Variants in NKAIN3 observed in about 807,000 individuals in gnomAD.
NKAIN3 encodes the protein sodium/potassium transporting ATPase interacting 3.
A neutral mutation model predicts 30.2 loss-of-function variants in NKAIN3; 25 were observed. The ratio of observed to expected loss-of-function variants is 0.83; its 90% CI spans 0.60 to 1.16. The LOEUF (loss-of-function observed/expected upper bound fraction) is 1.16, where lower values mean the gene tolerates loss of function less well. Ranked by LOEUF, NKAIN3 falls within the 50% of genes most tolerant of loss-of-function variation. The probability of loss-of-function intolerance (pLI) is 0.00; values close to 1 mark genes in which losing one functional copy is unlikely to be tolerated. For missense variants in NKAIN3, 225 were observed against 254.1 expected, an observed-to-expected ratio of 0.89 and a Z score of 0.78; for synonymous variants, 91 against 89.6, an observed-to-expected ratio of 1.02 and a Z score of -0.09.
At chr8:62,634,901 AAGG>A (rs1167663338) in intron 3 of NKAIN3, among the ~76,000 whole-genome samples, 3 of 152,228 alleles carry the variant, frequency 2.0e-5, no homozygotes, top group Admixed American at 6.5e-5. Flanking sequence ...AAGTAGAAAG[AAGG>A]AGGAGAAAAA....
chr8:62,604,329 T>C (rs535141635), intron 3 of NKAIN3, among the ~76,000 whole-genome samples: 63 of 152,256 alleles, frequency 4.1e-4, no homozygotes, highest in Admixed American at 1.4e-3. Flanking sequence ...GATTCACTTT[T>C]GCCTGCTTTC....
intron 1 of NKAIN3, among the ~76,000 whole-genome samples, chr8:62,382,096 A>G (rs1585744342): frequency 6.6e-6 from 1 of 152,044 alleles, no homozygotes; most frequent in Non-Finnish European, 1.5e-5. Flanking sequence ...TCCAAGTATA[A>G]ATTTTGACTC....
chr8:62,886,406 A>G (rs1359309709), intron 4 of NKAIN3, among the ~76,000 whole-genome samples: 1 of 152,078 alleles, frequency 6.6e-6, no homozygotes, highest in East Asian at 1.9e-4. Flanking sequence ...TAGATCAGTT[A>G]AGAATAAGCA....
intron 1 of NKAIN3, among the ~76,000 whole-genome samples, chr8:62,512,921 A>G (rs572441777): frequency 1.3e-5 from 2 of 152,248 alleles, no homozygotes; most frequent in African/African-American, 4.8e-5. Context: ...CCTCCCAACA[A>G]GTATTTAGAA....
chr8:62,750,159 G>T (rs547295758), intron 4 of NKAIN3, among the ~76,000 whole-genome samples: 2 of 152,096 alleles, frequency 1.3e-5, no homozygotes, highest in African/African-American at 4.8e-5. Flanking sequence ...GCAGGGGCTC[G>T]GCGGCTCTGC....
At chr8:62,513,179 G>A (rs1343444048) in intron 1 of NKAIN3, among the ~76,000 whole-genome samples, 1 of 151,912 alleles carries the variant, frequency 6.6e-6, no homozygotes, top group Non-Finnish European at 1.5e-5. Flanking sequence ...CTAGAAGACA[G>A]CAGAGTTCTG....
intron 6 of NKAIN3, among the ~76,000 whole-genome samples, chr8:62,957,141 T>C (rs1048579823): frequency 1.1e-4 from 2 of 18,988 alleles, no homozygotes; most frequent in South Asian, 4.3e-3. Flanking sequence ...ATAGCAGCCT[T>C]TTTTTTTTTT....
chr8:62,988,099 G>A (rs532524430), downstream of NKAIN3, among the ~76,000 whole-genome samples: 6 of 152,280 alleles, frequency 3.9e-5, no homozygotes, highest in East Asian at 7.7e-4. Flanking sequence ...CATGTCTCAC[G>A]TCCAGGTCAC....
chr8:62,931,999 G>A (rs2130872420), intron 5 of NKAIN3, among the ~76,000 whole-genome samples: 1 of 152,142 alleles, frequency 6.6e-6, no homozygotes, highest in South Asian at 2.1e-4. Flanking sequence ...TTCTTGTTCT[G>A]AGGTCACTAA....
At chr8:62,307,900 C>T (rs13255400) in intron 1 of NKAIN3, among the ~76,000 whole-genome samples, 34,554 of 150,038 alleles carry the variant, frequency 0.23, 4,910 homozygotes, top group Non-Finnish European at 0.28. Context: ...TTAAGCTAGG[C>T]GACTGAAGCC....
At chr8:62,765,820 A>G (rs1439874117) in intron 4 of NKAIN3, among the ~76,000 whole-genome samples, 1 of 152,120 alleles carries the variant, frequency 6.6e-6, no homozygotes, top group East Asian at 1.9e-4. Flanking sequence ...TTTTTCATCT[A>G]TTAAACTCAG....
chr8:62,790,408 G>C (rs960171798), intron 4 of NKAIN3, among the ~76,000 whole-genome samples: 4 of 152,080 alleles, frequency 2.6e-5, no homozygotes, highest in African/African-American at 9.7e-5. Flanking sequence ...GCACAAGACA[G>C]GGATGCCCTC....
At chr8:62,772,835 A>G (rs1395771563) in intron 4 of NKAIN3, among the ~76,000 whole-genome samples, 1 of 151,848 alleles carries the variant, frequency 6.6e-6, no homozygotes, top group East Asian at 1.9e-4. Flanking sequence ...TAATTTTTGT[A>G]TTTTTAGTAG....
At chr8:62,643,414 C>A (rs888210142) in intron 3 of NKAIN3, among the ~76,000 whole-genome samples, 4 of 152,038 alleles carry the variant, frequency 2.6e-5, no homozygotes, top group African/African-American at 9.7e-5. Context: ...GCTGAATGTC[C>A]AAGGCAGTTA....
At chr8:62,951,081 G>T (rs1440428798) in intron 5 of NKAIN3, among the ~76,000 whole-genome samples, 1 of 150,482 alleles carries the variant, frequency 6.6e-6, no homozygotes, top group Non-Finnish European at 1.5e-5. Context: ...TTCAAGGGCA[G>T]TATGCAACCT....
chr8:62,673,849 G>T (rs772172134), intron 3 of NKAIN3, among the ~76,000 whole-genome samples: 1 of 152,198 alleles, frequency 6.6e-6, no homozygotes, highest in South Asian at 2.1e-4. Flanking sequence ...GACTGCCATT[G>T]TATATGCAGT....
At chr8:62,386,942 A>AG (rs1491188254) in intron 1 of NKAIN3, among the ~76,000 whole-genome samples, 6 of 150,370 alleles carry the variant, frequency 4.0e-5, no homozygotes, top group East Asian at 1.9e-4. Context: ...AGAGAGAGAG[A>AG]AAGAGAGAGA....
chr8:62,961,490 A>AAAG (rs200579093), intron 6 of NKAIN3, among the ~76,000 whole-genome samples: 2 of 152,278 alleles, frequency 1.3e-5, no homozygotes, highest in Non-Finnish European at 2.9e-5. Flanking sequence ...GCAAATAAAA[A>AAAG]AAGAAGAAGA....
intron 4 of NKAIN3, among the ~76,000 whole-genome samples, chr8:62,775,473 C>T (rs1817162606): frequency 6.6e-6 from 1 of 151,566 alleles, no homozygotes; most frequent in Non-Finnish European, 1.5e-5. Context: ...CTCTTGCTTT[C>T]CTAGTTTTTC....
Sources: allele counts gnomAD v4.1 joint callset (sites outside exome capture counted in the v4.1 genomes callset), GRCh38; gene constraint gnomAD v4.1.1; transcripts MANE v1.5; gene names NCBI Gene and HGNC (gene_info 2026-07-23, HGNC 2026-07-21).